PGM2: variants seen among roughly 807,000 people sequenced by gnomAD.
PGM2 encodes phosphopentomutase.
Under a neutral mutation model 74.6 loss-of-function variants are expected in PGM2, and 57 were observed. The observed-to-expected ratio is 0.76, with a 90% confidence interval of 0.62 to 0.95. The LOEUF (loss-of-function observed/expected upper bound fraction) is 0.95, where lower values mean the gene tolerates loss of function less well. PGM2 is among the 40% of genes least tolerant of loss of function. The pLI is 0.00. For synonymous variants in PGM2, 273 were observed against 260.7 expected, an observed-to-expected ratio of 1.05 and a Z score of -0.46; for missense variants, 706 against 741.9, an observed-to-expected ratio of 0.95 and a Z score of 0.56.
chr4:37,836,724 T>G (rs185983877), intron 3 of PGM2, among the ~76,000 whole-genome samples: 6 of 152,344 alleles, frequency 3.9e-5, no homozygotes. Context: ...TAACGTATTT[T>G]ACACCAGCTT....
intron 6 of PGM2, among the ~76,000 whole-genome samples, chr4:37,841,190 T>TGTGTGTGCGTGCGTG (rs1491511171): frequency 3.6e-5 from 3 of 83,420 alleles, no homozygotes; most frequent in African/African-American, 1.2e-4. Context: ...GTGTGTGTGG[T>TGTGTGTGCGTGCGTG]TTGTTCTGTG....
In PGM2 at chr4:37,856,561, T is replaced by C. The variant is rs1403055483; in HGVS notation, c.1736+820T>C. Among the ~76,000 whole-genome samples the C allele has an allele frequency of 2.0e-5, 3 of 147,450 alleles. No individual in the cohort carries two copies. The East Asian group carries it at 6.0e-4, about 29-fold the overall frequency. On this transcript the variant is annotated intron_variant, in intron 13 of 13. Coordinates refer to ENST00000381967, the MANE Select transcript of PGM2 (RefSeq NM_018290.4). Reference sequence around the variant, plus strand: ...GCTGGTAGCTTCAGGTTCAAGTTTCTGTGACCTCAAAAAAGTGTTTGAGTT... The same window carrying C: ...GCTGGTAGCTTCAGGTTCAAGTTTCCGTGACCTCAAAAAAGTGTTTGAGTT...
intron 13 of PGM2, among the ~76,000 whole-genome samples, chr4:37,861,109 T>G (rs1711756323): frequency 6.6e-6 from 1 of 152,090 alleles, no homozygotes; most frequent in Non-Finnish European, 1.5e-5. Context: ...GACTGAGGAG[T>G]TAACAGAGAT....
At chr4:37,836,571 T>G (rs988321522) in intron 3 of PGM2, among the ~76,000 whole-genome samples, 1 of 152,226 alleles carries the variant, frequency 6.6e-6, no homozygotes, top group African/African-American at 2.4e-5. Flanking sequence ...ATCTGCTCTT[T>G]GTGCCCCAGC....
chr4:37,840,435 G>C (rs929366319), intron 6 of PGM2, among the ~76,000 whole-genome samples, 176 bp downstream of exon 6: 1 of 152,200 alleles, frequency 6.6e-6, no homozygotes, highest in Non-Finnish European at 1.5e-5. Flanking sequence ...CCAGGCTGGA[G>C]TGCAGTGGCA....
chr4:37,850,579 TC>T (rs1241715558), intron 12 of PGM2, among the ~76,000 whole-genome samples: 1 of 151,914 alleles, frequency 6.6e-6, no homozygotes, highest in Non-Finnish European at 1.5e-5. Flanking sequence ...GGTGGGCAAA[TC>T]ACTTGAGATC....
intron 13 of PGM2, among the ~76,000 whole-genome samples, chr4:37,857,507 A>G (rs151161096): frequency 3.3e-5 from 5 of 152,334 alleles, no homozygotes; most frequent in African/African-American, 1.2e-4. Context: ...AAACAAAACA[A>G]AACTATAAAA....
intron 2 of PGM2, among the ~76,000 whole-genome samples, chr4:37,833,853 G>A (rs957224346): frequency 6.6e-6 from 1 of 152,104 alleles, no homozygotes; most frequent in African/African-American, 2.4e-5. Flanking sequence ...AAGAAATTAA[G>A]GAACTTGTCA....
intron 11 of PGM2, among the ~76,000 whole-genome samples, chr4:37,849,079 A>G (rs929907357): frequency 6.6e-6 from 1 of 152,024 alleles, no homozygotes; most frequent in African/African-American, 2.4e-5. Context: ...TCAAAAAAAA[A>G]AAAAAAAAAT....
At position 37,826,737 on chromosome 4, in the gene PGM2, C is replaced by T. The variant is rs1013615876; in HGVS notation, c.5C>T (p.Ala2Val). 2.9e-5 allele frequency: 45 copies of T among 1,549,182 alleles called. No individual in the cohort carries two copies. The highest frequency in any genetic ancestry group is 2.9e-5 in the Non-Finnish European group (33 of 1,145,684). ...AGCGGTAGCACAAGCTCAGCGATGG[C>T]GGCTCCAGAAGGCAGCGGTCTAGGC... is the stretch of plus-strand genomic sequence containing the variant. MAAPEGSGLGED... is the reference protein window; with the variant it reads MVAPEGSGLGED... Residue 2 changes from alanine to valine, a missense_variant, in exon 1 of 14, where the codon GCG (alanine) becomes GTG (valine). By Grantham distance (64) the Ala-to-Val change is moderately conservative. Around this residue, in one of 3 missense-constraint regions of PGM2, gnomAD observed 332 missense variants for 334.9 expected, o/e 0.99. Transcript: ENST00000381967.
chr4:37,835,117 G>A (rs1280006216), intron 3 of PGM2, among the ~76,000 whole-genome samples: 1 of 152,134 alleles, frequency 6.6e-6, no homozygotes, highest in Non-Finnish European at 1.5e-5. Context: ...TTATGTAGCT[G>A]AAGGCATATG....
intron 4 of PGM2, among the ~76,000 whole-genome samples, chr4:37,838,154 T>A (rs1447087692): frequency 6.6e-6 from 1 of 152,230 alleles, no homozygotes; most frequent in Non-Finnish European, 1.5e-5. Context: ...GTGCTGGGAT[T>A]ACAGGCATGA....
At chr4:37,854,782 T>C (rs1297936605) in intron 12 of PGM2, among the ~76,000 whole-genome samples, 2 of 152,086 alleles carry the variant, frequency 1.3e-5, no homozygotes, top group Admixed American at 1.3e-4. Context: ...ATTAATCTGT[T>C]TAAGTCAATA....
intron 12 of PGM2, among the ~76,000 whole-genome samples, chr4:37,854,829 A>C (rs1726148704): frequency 6.6e-6 from 1 of 152,200 alleles, no homozygotes; most frequent in Admixed American, 6.5e-5. Flanking sequence ...AACTTTAATA[A>C]CTTCAATAGA....
chr4:37,860,556 G>C (rs1174843211), intron 13 of PGM2, among the ~76,000 whole-genome samples: 1 of 152,198 alleles, frequency 6.6e-6, no homozygotes, highest in African/African-American at 2.4e-5. Flanking sequence ...GAAATGGATT[G>C]CTTTAGCTAT....
chr4:37,842,486 A>G (rs1237216283), intron 6 of PGM2, among the ~76,000 whole-genome samples: 2 of 151,732 alleles, frequency 1.3e-5, no homozygotes, highest in Non-Finnish European at 2.9e-5. Flanking sequence ...ATGAAGTAGG[A>G]AAGCAGATTA....
intron 3 of PGM2, 93 bp from the exon 4 acceptor site, chr4:37,837,436 T>G (rs1212809926): frequency 1.2e-6 from 1 of 809,380 alleles, no homozygotes; most frequent in Non-Finnish European, 2.2e-6. Flanking sequence ...GCATTCACCC[T>G]AAAGAACATT....
intron 11 of PGM2, among the ~76,000 whole-genome samples, chr4:37,849,977 G>A (rs554602133): frequency 2.0e-5 from 3 of 151,700 alleles, no homozygotes; most frequent in East Asian, 2.0e-4. Context: ...TAGTAAAGAC[G>A]AGGTTTCTCA....
At chr4:37,846,899 G>T (rs1725888071) in intron 8 of PGM2, 32 bp from the exon 9 acceptor site, 1 of 1,548,390 alleles carries the variant, frequency 6.5e-7, no homozygotes, top group Admixed American at 2.0e-5. Flanking sequence ...TTATGGAAAT[G>T]AATGGTGGTT....
Sources: gnomAD v4.1 joint callset for allele counts (sites outside exome capture counted in the v4.1 genomes callset) on GRCh38, gnomAD v4.1.1 for gene constraint, gnomAD v4.1.1 regional missense constraint, MANE v1.5 for transcripts, NCBI Gene and HGNC (gene_info 2026-07-23, HGNC 2026-07-21) for gene names.